Variants in LRRC4C observed in about 807,000 individuals in gnomAD.
The protein encoded by LRRC4C is leucine rich repeat containing 4C.
In LRRC4C, 5 loss-of-function variants were observed where a neutral mutation model predicts 33.6. The observed-to-expected ratio is 0.15, with a 90% CI of 0.08 to 0.31. The LOEUF (loss-of-function observed/expected upper bound fraction) is 0.31. Among genes scored for constraint, LRRC4C ranks in the 10% least tolerant of loss-of-function variants. The probability of loss-of-function intolerance (pLI) is 1.00; values close to 1 mark genes in which losing one functional copy is unlikely to be tolerated. For synonymous variants in LRRC4C, 329 were observed against 302.0 expected, an observed-to-expected ratio of 1.09 and a Z score of -0.93; for missense variants, 560 against 796.7, an observed-to-expected ratio of 0.70 and a Z score of 3.58.
At chr11:40,298,464 CAGCTTGGACCA>C (rs1240799795) in intron 4 of LRRC4C, among the ~76,000 whole-genome samples, 1 of 150,306 alleles carries the variant, frequency 6.7e-6, no homozygotes, top group Non-Finnish European at 1.5e-5. Context: ...CTCTCTTCTT[CAGCTTGGACCA>C]AGCATATTTC....
At chr11:40,711,994 C>A (rs1245172074) in intron 2 of LRRC4C, among the ~76,000 whole-genome samples, 3 of 152,110 alleles carry the variant, frequency 2.0e-5, no homozygotes, top group African/African-American at 7.2e-5. Flanking sequence ...AACTAAAATG[C>A]AAACTTCCTT....
chr11:40,205,056 C>T (rs1863044302), intron 5 of LRRC4C, among the ~76,000 whole-genome samples: 1 of 152,184 alleles, frequency 6.6e-6, no homozygotes, highest in Non-Finnish European at 1.5e-5. Flanking sequence ...ATATTTTACA[C>T]ATCCTTTAAA....
intron 1 of LRRC4C, among the ~76,000 whole-genome samples, chr11:40,952,645 G>T (rs1002592629): frequency 6.6e-6 from 1 of 151,882 alleles, no homozygotes; most frequent in African/African-American, 2.4e-5. Context: ...CAAACAGATG[G>T]GTAGAGGTCC....
At chr11:40,219,401 T>C (rs1864238139) in intron 5 of LRRC4C, among the ~76,000 whole-genome samples, 1 of 152,218 alleles carries the variant, frequency 6.6e-6, no homozygotes, top group Admixed American at 6.5e-5. Context: ...ATGTCTACCC[T>C]ACGTTTCTAA....
chr11:40,464,146 T>C (rs187881282), intron 3 of LRRC4C, among the ~76,000 whole-genome samples: 364 of 152,204 alleles, frequency 2.4e-3, no homozygotes, highest in Non-Finnish European at 4.1e-3. Context: ...CATGATCAAG[T>C]GGGTTTTATT....
intron 4 of LRRC4C, among the ~76,000 whole-genome samples, chr11:40,243,608 T>A (rs1393348669): frequency 6.6e-6 from 1 of 152,064 alleles, no homozygotes; most frequent in Non-Finnish European, 1.5e-5. Context: ...ATCACTTTTT[T>A]AATTGATCAC....
At chr11:40,161,578 A>AC (rs1308591014) in intron 5 of LRRC4C, among the ~76,000 whole-genome samples, 1 of 152,184 alleles carries the variant, frequency 6.6e-6, no homozygotes, top group Non-Finnish European at 1.5e-5. Flanking sequence ...ACACGGTAAG[A>AC]CCCCGTCTCT....
chr11:40,177,315 A>G (rs1333128922), intron 5 of LRRC4C, among the ~76,000 whole-genome samples: 1 of 152,154 alleles, frequency 6.6e-6, no homozygotes, highest in South Asian at 2.1e-4. Context: ...TTAAATCACA[A>G]CCATCTCTGG....
At chr11:41,410,346 G>C (rs901432395) in intron 1 of LRRC4C, among the ~76,000 whole-genome samples, 3 of 149,280 alleles carry the variant, frequency 2.0e-5, no homozygotes, top group Non-Finnish European at 4.4e-5. Flanking sequence ...GTAGAAGTAT[G>C]TTTCTCTTAA....
At chr11:40,127,047 G>A (rs1436055846) in intron 6 of LRRC4C, among the ~76,000 whole-genome samples, 2 of 152,062 alleles carry the variant, frequency 1.3e-5, no homozygotes, top group Non-Finnish European at 2.9e-5. Flanking sequence ...TGGAAGCCAA[G>A]GTGGGCAGAT....
chr11:41,140,726 C>T (rs905088717), intron 1 of LRRC4C, among the ~76,000 whole-genome samples: 6 of 152,214 alleles, frequency 3.9e-5, no homozygotes, highest in Non-Finnish European at 8.8e-5. Flanking sequence ...CAGATAGTTG[C>T]ATATCTCATG....
At chr11:40,464,104 T>C (rs928717480) in intron 3 of LRRC4C, among the ~76,000 whole-genome samples, 1 of 151,960 alleles carries the variant, frequency 6.6e-6, no homozygotes, top group Non-Finnish European at 1.5e-5. Flanking sequence ...ACTAGTAAAC[T>C]GAATGAAGTA....
At chr11:41,355,974 A>T (rs1302962549) in intron 1 of LRRC4C, among the ~76,000 whole-genome samples, 2 of 152,264 alleles carry the variant, frequency 1.3e-5, no homozygotes, top group Non-Finnish European at 2.9e-5. Flanking sequence ...GCTGGCTTCC[A>T]TATTTAAAAA....
At chr11:40,747,172 C>T (rs757869809) in intron 2 of LRRC4C, among the ~76,000 whole-genome samples, 18 of 152,088 alleles carry the variant, frequency 1.2e-4, no homozygotes, top group African/African-American at 2.4e-4. Context: ...CAGGCATGCT[C>T]GGCCCATTGT....
intron 3 of LRRC4C, among the ~76,000 whole-genome samples, chr11:40,558,933 G>T (rs113783228): frequency 6.6e-6 from 1 of 152,040 alleles, no homozygotes; most frequent in African/African-American, 2.4e-5. Context: ...ATTTAGCTCC[G>T]ACTTGTAAGT....
chr11:40,928,034 T>G (rs1311815182), intron 2 of LRRC4C, among the ~76,000 whole-genome samples: 2 of 152,062 alleles, frequency 1.3e-5, no homozygotes, highest in Non-Finnish European at 1.5e-5. Flanking sequence ...TTTAGAAGTT[T>G]AAAAGGGAAA....
chr11:40,120,036 A>G (rs1332904727), intron 6 of LRRC4C, among the ~76,000 whole-genome samples: 2 of 152,046 alleles, frequency 1.3e-5, no homozygotes, highest in African/African-American at 4.8e-5. Context: ...TCTTGCCCAC[A>G]TTTTCTACTG....
chr11:40,707,260 G>T (rs1411137528), intron 2 of LRRC4C, among the ~76,000 whole-genome samples: 1 of 152,166 alleles, frequency 6.6e-6, no homozygotes, highest in African/African-American at 2.4e-5. Flanking sequence ...GAATAGGAGT[G>T]GTGAGGGAGG....
intron 3 of LRRC4C, among the ~76,000 whole-genome samples, chr11:40,419,736 T>C (rs1950454764): frequency 6.6e-6 from 1 of 152,316 alleles, no homozygotes; most frequent in African/African-American, 2.4e-5. Flanking sequence ...GTTAAAAAAA[T>C]TGATAGGCTC....
Sources: gnomAD v4.1 joint callset for allele counts (sites outside exome capture counted in the v4.1 genomes callset) on GRCh38, gnomAD v4.1.1 for gene constraint, MANE v1.5 for transcripts, NCBI Gene and HGNC (gene_info 2026-07-23, HGNC 2026-07-21) for gene names.